Variants in CUL3 observed in about 807,000 individuals in gnomAD.
CUL3 encodes the protein cullin 3.
CUL3 carries 19 observed loss-of-function variants against 89.1 expected under a neutral mutation model. The ratio of observed to expected loss-of-function variants is 0.21; its 90% CI spans 0.15 to 0.31. The LOEUF is 0.31. Among genes scored for constraint, CUL3 ranks in the 10% least tolerant of loss-of-function variants. The probability of loss-of-function intolerance (pLI) is 1.00; values close to 1 mark genes in which losing one functional copy is unlikely to be tolerated. For synonymous variants in CUL3, 351 were observed against 308.4 expected (o/e 1.14, Z -1.45); for missense variants, 469 against 942.3 (o/e 0.50, Z 6.58).
intron 3 of CUL3, among the ~76,000 whole-genome samples, chr2:224,532,613 A>C (rs997881389): frequency 6.6e-6 from 1 of 152,076 alleles, no homozygotes; most frequent in Non-Finnish European, 1.5e-5. Context: ...AAAGATGAGA[A>C]AAGGAAGATG....
chr2:224,510,276 A>C (rs1454207780), intron 6 of CUL3, among the ~76,000 whole-genome samples: 1 of 150,860 alleles, frequency 6.6e-6, no homozygotes, highest in East Asian at 1.9e-4. Context: ...TCTTTTAAAA[A>C]GGAAGCCTCT....
chr2:224,478,116 G>C (rs914476594), intron 15 of CUL3, 84 bp downstream of exon 15: 18 of 1,371,886 alleles, frequency 1.3e-5, no homozygotes, highest in Non-Finnish European at 1.6e-5. Context: ...TTGTAAAATT[G>C]TTTTTAAAAT....
intron 13 of CUL3, among the ~76,000 whole-genome samples, 183 bp from the exon 14 acceptor site, chr2:224,482,261 G>A (rs1208030535): frequency 2.0e-5 from 3 of 152,094 alleles, no homozygotes; most frequent in African/African-American, 4.8e-5. Context: ...ACAAACGAGA[G>A]GAAAGGGTGA....
At chr2:224,478,539 T>C (rs968476981) in intron 14 of CUL3, 194 bp from the exon 15 acceptor site, 6 of 440,586 alleles carry the variant, frequency 1.4e-5, no homozygotes, top group Admixed American at 4.0e-5. Context: ...TTTTCAAAAA[T>C]GAGGAATTTA....
Position 224,514,616 on chromosome 2 carries a change from C to T in CUL3, c.535G>A (p.Asp179Asn). Residue 179 changes from aspartate (D) to asparagine (N), a missense_variant, in exon 4 of 16, where the codon GAC becomes AAC. By Grantham distance (23) the Asp-to-Asn change is conservative. Transcript: ENST00000264414. ...GAGTAAAGAGAGAAATTTTACCTGTCTACGACTTCTCCTTTCCGCTCTCTT... is the reference window on the plus strand; with the variant it reads ...GAGTAAAGAGAGAAATTTTACCTGTTTACGACTTCTCCTTTCCGCTCTCTT... ...IARERKGEVV[D>N]RGAIRNACQM... The T allele has an allele frequency of 6.2e-7, 1 of 1,610,418 alleles. No homozygotes were observed. Among genetic ancestry groups the T allele is most frequent in the Non-Finnish European group, 8.5e-7 (1 of 1,177,752 alleles).
At position 224,503,821 on chromosome 2, in the gene CUL3, A is replaced by G; in HGVS notation, c.1208T>C (p.Leu403Pro). The G allele has an allele frequency of 6.5e-7, 1 of 1,545,466 alleles. No homozygotes were observed. The highest frequency in any genetic ancestry group is 8.7e-7 in the Non-Finnish European group (1 of 1,149,862). ...DDKLKKGVKGLTEQEVETILD... is the reference protein window; with the variant it reads ...DDKLKKGVKGPTEQEVETILD... Reference sequence around the variant, plus strand: ...TATTGTTTCTACTTCTTGTTCTGTTAGCTGCAAAATTAAGATGATGTAACA... The same window carrying G: ...TATTGTTTCTACTTCTTGTTCTGTTGGCTGCAAAATTAAGATGATGTAACA... Residue 403 changes from leucine (L) to proline (P), a missense_variant and splice_region_variant, in exon 9 of 16, where the codon CTA becomes CCA. Coordinates refer to ENST00000264414, the MANE Select transcript of CUL3 (RefSeq NM_003590.5).
intron 6 of CUL3, among the ~76,000 whole-genome samples, chr2:224,508,818 C>T (rs913531092): frequency 4.0e-5 from 6 of 151,830 alleles, no homozygotes; most frequent in African/African-American, 1.2e-4. Flanking sequence ...AAAAATTAGC[C>T]GGGCGTGGTG....
chr2:224,491,937 A>G (rs541511398), intron 13 of CUL3, among the ~76,000 whole-genome samples: 72 of 152,254 alleles, frequency 4.7e-4, no homozygotes, highest in African/African-American at 1.6e-3. Flanking sequence ...CTTTCTTTGT[A>G]TTGTAGGGAT....
At chr2:224,537,880 T>C (rs1201468376) in intron 2 of CUL3, among the ~76,000 whole-genome samples, 1 of 152,130 alleles carries the variant, frequency 6.6e-6, no homozygotes, top group African/African-American at 2.4e-5. Flanking sequence ...AATTGACCAA[T>C]TAAATAAAAA....
rs1445791485 is a variant in CUL3, at chr2:224,506,981, T to C, written c.906A>G (p.Leu302=). 1.9e-6 allele frequency: 3 copies of C among 1,612,676 alleles called. No homozygotes were observed. The highest frequency in any genetic ancestry group is 2.5e-6 in the Non-Finnish European group (3 of 1,179,468). ...KTEDLGCMYK[L]FSRVPNGLKT... ...TCAAACCATTTGGCACACGACTAAA[T>C]AACTTGTACATGCAACCAAGGTCTA... The change falls in exon 7 of 16, where the codon TTA becomes TTG. Residue 302 remains leucine, a synonymous_variant. Coordinates refer to ENST00000264414, the MANE Select transcript of CUL3 (RefSeq NM_003590.5).
chr2:224,493,866 C>T (rs1322997174), intron 13 of CUL3, among the ~76,000 whole-genome samples: 1 of 152,050 alleles, frequency 6.6e-6, no homozygotes, highest in Non-Finnish European at 1.5e-5. Flanking sequence ...TTTGAAAAGC[C>T]TAGGTTTGGG....
At chr2:224,496,042 T>TACATTA in intron 12 of CUL3, 76 bp from the exon 13 acceptor site, 1 of 1,489,652 alleles carries the variant, frequency 6.7e-7, no homozygotes, top group Non-Finnish European at 9.2e-7. Flanking sequence ...TGTACGTACA[T>TACATTA]ATGTATGTTA....
chr2:224,549,327 T>TAA lies in CUL3; in HGVS notation c.264+8330_264+8331dup, dbSNP rs60131758. On this transcript the variant is annotated intron_variant, in intron 2 of 15. Coordinates refer to ENST00000264414, the MANE Select transcript of CUL3 (RefSeq NM_003590.5). ...CAAGACCTTGTCTCGGAAAATAAAT[T>TAA]AAAAAAAAAAAAAAAAATTGAAACA... 1.9e-4 allele frequency among the ~76,000 whole-genome samples: 24 copies of TAA among 129,082 alleles called. No individual in the cohort carries two copies. In the East Asian group the frequency reaches 3.2e-3, roughly 17 times the overall value. 84.7% of individuals were successfully genotyped at this position (129,082 alleles called of 152,430 possible).
intron 10 of CUL3, 41 bp from the exon 11 acceptor site, chr2:224,500,528 AG>A (rs1692342891): frequency 1.2e-6 from 2 of 1,603,172 alleles, no homozygotes; most frequent in Non-Finnish European, 1.7e-6. Flanking sequence ...AAAATTAACT[AG>A]GATTTGCTTT....
intron 8 of CUL3, 56 bp downstream of exon 8, chr2:224,505,900 T>C: frequency 8.5e-7 from 1 of 1,178,044 alleles, no homozygotes; most frequent in Non-Finnish European, 1.1e-6. Flanking sequence ...ATTTTACATA[T>C]AATTTTATAT....
At chr2:224,489,264 C>G (rs1255168163) in intron 13 of CUL3, among the ~76,000 whole-genome samples, 1 of 152,198 alleles carries the variant, frequency 6.6e-6, no homozygotes, top group South Asian at 2.1e-4. Flanking sequence ...CCAGGGCAAT[C>G]AGGCAACAGA....
At chr2:224,544,707 C>G (rs1285527236) in intron 2 of CUL3, among the ~76,000 whole-genome samples, 1 of 150,324 alleles carries the variant, frequency 6.7e-6, no homozygotes, top group African/African-American at 2.5e-5. Context: ...TCCACCTTAT[C>G]ATACCACAGT....
chr2:224,571,834 C>T (rs577267882), intron 1 of CUL3, among the ~76,000 whole-genome samples: 4 of 152,168 alleles, frequency 2.6e-5, no homozygotes, highest in Non-Finnish European at 5.9e-5. Flanking sequence ...GTAGTCGGTG[C>T]CTAGATTTAT....
In CUL3 at chr2:224,535,561, A is replaced by G. The variant is rs2106264208; in HGVS notation, c.345T>C (p.Ala115=). 1 of 1,605,964 alleles carries G rather than the reference A, an allele frequency of 6.2e-7. No homozygotes were observed. Among genetic ancestry groups the G allele is most frequent in the Non-Finnish European group, 8.5e-7 (1 of 1,175,658 alleles). ...LNQAWNDHQT[A]MVMIRDILMY... is the part of the protein sequence containing the mutation. ...TTAGTATGTCTCTAATCATCACCAT[A>G]GCTGTTTGATGATCATTCCAAGCTT... Residue 115 remains alanine, a synonymous_variant, in exon 3 of 16, where the codon GCT becomes GCC. Coordinates refer to ENST00000264414, the MANE Select transcript of CUL3 (RefSeq NM_003590.5).
Sources: allele counts gnomAD v4.1 joint callset (sites outside exome capture counted in the v4.1 genomes callset), GRCh38; gene constraint gnomAD v4.1.1; transcripts MANE v1.5; gene names NCBI Gene and HGNC (gene_info 2026-07-23, HGNC 2026-07-21).